CNTN1: variants seen among roughly 807,000 people sequenced by gnomAD.
CNTN1 encodes the protein contactin 1, also known as contactin-1.
Under a neutral mutation model 126.4 loss-of-function variants are expected in CNTN1, and 38 were observed. The ratio of observed to expected loss-of-function variants is 0.30; its 90% CI spans 0.23 to 0.39. CNTN1 has a LOEUF of 0.39. CNTN1 is among the 10% of genes least tolerant of loss of function. CNTN1 has a pLI of 1.00. For synonymous variants in CNTN1, 413 were observed against 422.6 expected, an observed-to-expected ratio of 0.98 and a Z score of 0.28; for missense variants, 1,009 against 1,248.4, an observed-to-expected ratio of 0.81 and a Z score of 2.89.
intron 15 of CNTN1, 103 bp from the exon 16 acceptor site, chr12:40,980,806 A>G (rs886853885): frequency 1.2e-5 from 13 of 1,077,854 alleles, no homozygotes; most frequent in Admixed American, 1.8e-5. Context: ...TATATTGGAC[A>G]AATGTTCTTT....
At chr12:40,883,153 GA>G (rs1311557212) in intron 1 of CNTN1, among the ~76,000 whole-genome samples, 1 of 151,630 alleles carries the variant, frequency 6.6e-6, no homozygotes, top group Non-Finnish European at 1.5e-5. Flanking sequence ...TGAACCAGGG[GA>G]GGGGTATGTT....
chr12:40,894,085 A>C (rs999452471), intron 1 of CNTN1, among the ~76,000 whole-genome samples: 1 of 152,140 alleles, frequency 6.6e-6, no homozygotes, highest in Non-Finnish European at 1.5e-5. Context: ...GGTACTAAGC[A>C]GTCAATGTTT....
chr12:40,881,317 T>C (rs1350468331), intron 1 of CNTN1, among the ~76,000 whole-genome samples: 2 of 151,894 alleles, frequency 1.3e-5, no homozygotes, highest in African/African-American at 2.4e-5. Flanking sequence ...ATTTGAGCTA[T>C]ATACATAAAC....
chr12:40,859,656 A>G (rs976438217), intron 1 of CNTN1, among the ~76,000 whole-genome samples: 2 of 152,144 alleles, frequency 1.3e-5, no homozygotes, highest in Non-Finnish European at 2.9e-5. Flanking sequence ...CCCACATTCA[A>G]GGGAAGAATC....
intron 14 of CNTN1, among the ~76,000 whole-genome samples, chr12:40,946,088 T>A (rs2136958537): frequency 6.6e-6 from 1 of 152,264 alleles, no homozygotes; most frequent in Non-Finnish European, 1.5e-5. Context: ...TGGATAAGAA[T>A]CATTTTAAAA....
chr12:40,737,359 G>GTATATATA (rs57273919), intron 1 of CNTN1, among the ~76,000 whole-genome samples: 1,997 of 113,202 alleles, frequency 0.018, 62 homozygotes, highest in Admixed American at 0.048. Context: ...ATGTGTGTGT[G>GTATATATA]TATATATATA....
At position 40,981,059 on chromosome 12, in the gene CNTN1, C is replaced by T. The variant is rs1329975311; in HGVS notation, c.1955C>T (p.Ala652Val). 3 of 1,612,570 alleles carry T rather than the reference C, an allele frequency of 1.9e-6. No individual in the cohort carries two copies. Among genetic ancestry groups the T allele is most frequent in the Non-Finnish European group, 2.5e-6 (3 of 1,179,614 alleles). Residue 652 changes from alanine (A) to valine (V), a missense_variant, in exon 16 of 24, where the codon GCA becomes GTA. Ala to Val is a moderately conservative substitution (Grantham distance 64). Coordinates refer to ENST00000551295, the MANE Select transcript of CNTN1 (RefSeq NM_001843.4). Reference sequence around the variant, plus strand: ...ATTCTTTCAGATGACTGGAAAGATGCAAAGACAGGTGAGTTTTATTTGTCT... The same window carrying T: ...ATTCTTTCAGATGACTGGAAAGATGTAAAGACAGGTGAGTTTTATTTGTCT... The part of the protein sequence containing the change: ...KTILSDDWKD[A>V]KTDPPIIEGN...
intron 4 of CNTN1, among the ~76,000 whole-genome samples, chr12:40,921,152 C>T (rs763539335): frequency 3.4e-4 from 51 of 152,148 alleles, no homozygotes; most frequent in Non-Finnish European, 1.5e-4. Context: ...TCTATACTTG[C>T]TTTTAAATTA....
At chr12:40,851,713 G>A (rs1942721072) in intron 1 of CNTN1, among the ~76,000 whole-genome samples, 1 of 151,460 alleles carries the variant, frequency 6.6e-6, no homozygotes, top group Admixed American at 6.6e-5. Flanking sequence ...CAGACATCCA[G>A]CAAGGAGGCA....
intron 1 of CNTN1, among the ~76,000 whole-genome samples, chr12:40,782,608 G>A (rs867310328): frequency 1.3e-5 from 2 of 151,998 alleles, no homozygotes; most frequent in Middle Eastern, 6.8e-3. Context: ...AGGGACAATT[G>A]GAATGATGCA....
chr12:41,046,103 A>G (rs899033819), intron 23 of CNTN1, among the ~76,000 whole-genome samples: 2 of 152,148 alleles, frequency 1.3e-5, no homozygotes, highest in Non-Finnish European at 2.9e-5. Context: ...TCTTTAGGAT[A>G]TCAACATCCA....
At chr12:41,044,838 T>C (rs1246564786) in intron 23 of CNTN1, among the ~76,000 whole-genome samples, 1 of 152,092 alleles carries the variant, frequency 6.6e-6, no homozygotes, top group Non-Finnish European at 1.5e-5. Flanking sequence ...TGATTTCATT[T>C]TTCTGAGTAT....
intron 16 of CNTN1, among the ~76,000 whole-genome samples, chr12:40,984,534 G>A (rs1051437612): frequency 3.3e-5 from 5 of 152,076 alleles, no homozygotes; most frequent in Non-Finnish European, 4.4e-5. Flanking sequence ...TAGGCTCTTC[G>A]TAACAATCAG....
At position 40,718,081 on chromosome 12, in the gene CNTN1, C is replaced by A. The variant is rs1313931692; in HGVS notation, c.-77+25489C>A. Reference sequence around the variant, plus strand: ...TTCTTTTATCTCATCTGACGGATATCTCTTTCTTAAAGTAATGTGCATTCT... The same window carrying A: ...TTCTTTTATCTCATCTGACGGATATATCTTTCTTAAAGTAATGTGCATTCT... On this transcript the variant is annotated intron_variant, in intron 1 of 23. Coordinates refer to ENST00000551295, the MANE Select transcript of CNTN1 (RefSeq NM_001843.4). 2.6e-5 allele frequency among the ~76,000 whole-genome samples: 4 copies of A among 152,196 alleles called. No homozygotes were observed. The East Asian group carries it at 7.7e-4, about 29-fold the overall frequency.
intron 14 of CNTN1, among the ~76,000 whole-genome samples, chr12:40,950,890 A>G (rs956844816): frequency 6.6e-6 from 1 of 151,942 alleles, no homozygotes; most frequent in Admixed American, 6.6e-5. Flanking sequence ...GCATTTGTTG[A>G]TAAGAATGCC....
chr12:41,066,994 A>G (rs1443440985), intron 23 of CNTN1, among the ~76,000 whole-genome samples: 1 of 152,242 alleles, frequency 6.6e-6, no homozygotes, highest in East Asian at 1.9e-4. Flanking sequence ...TGTTTACTAT[A>G]TAACACATAA....
At chr12:40,707,191 C>CT in intron 1 of CNTN1, among the ~76,000 whole-genome samples, 1 of 147,706 alleles carries the variant, frequency 6.8e-6, no homozygotes, top group East Asian at 1.9e-4. Context: ...CTGTTCATTG[C>CT]TTTTCTCCTT....
rs540602379 is a variant in CNTN1 at position 40,720,963 on chromosome 12, A to T, written c.-77+28371A>T. 5.1e-4 allele frequency among the ~76,000 whole-genome samples: 72 copies of T among 142,138 alleles called. 1 individual carries two copies. Among genetic ancestry groups the T allele is most frequent in the African/African-American group, 1.8e-3 (70 of 39,884 alleles). 93.2% of individuals were successfully genotyped at this position (142,138 alleles called of 152,430 possible). On this transcript the variant is annotated intron_variant, in intron 1 of 23. Transcript: ENST00000551295. Reference sequence around the variant, plus strand: ...CAAAAAAAGAGAAATATATATATATATGTGTATATATGTTATAACATATAT... The same window carrying T: ...CAAAAAAAGAGAAATATATATATATTTGTGTATATATGTTATAACATATAT...
intron 14 of CNTN1, among the ~76,000 whole-genome samples, chr12:40,954,336 G>T (rs1946793864): frequency 6.6e-6 from 1 of 151,710 alleles, no homozygotes; most frequent in African/African-American, 2.4e-5. Context: ...AATATGTAAT[G>T]TTTATTTTAT....
Sources: allele counts gnomAD v4.1 joint callset (sites outside exome capture counted in the v4.1 genomes callset), GRCh38; gene constraint gnomAD v4.1.1; transcripts MANE v1.5; gene names NCBI Gene and HGNC (gene_info 2026-07-23, HGNC 2026-07-21).